Variants in FUBP3 observed in about 807,000 individuals in gnomAD.
FUBP3 encodes far upstream element binding protein 3.
FUBP3 carries 28 observed loss-of-function variants against 85.6 expected under a neutral mutation model. The observed-to-expected ratio is 0.33, with a 90% confidence interval of 0.24 to 0.45. The LOEUF (loss-of-function observed/expected upper bound fraction) is 0.45. Ranked by LOEUF, FUBP3 falls within the 20% of genes least tolerant of loss-of-function variation. FUBP3 has a pLI of 1.00. For synonymous variants in FUBP3, 271 were observed against 271.4 expected (o/e 1.00, Z 0.01); for missense variants, 583 against 755.1 (o/e 0.77, Z 2.67).
intron 2 of FUBP3, among the ~76,000 whole-genome samples, chr9:130,606,547 G>T (rs188451411): frequency 1.3e-5 from 2 of 152,012 alleles, no homozygotes; most frequent in African/African-American, 2.4e-5. Flanking sequence ...GTGGCCGGGC[G>T]CGGTGGCTCA....
At chr9:130,631,234 G>T (rs1830195767) in intron 13 of FUBP3, 2 of 1,281,192 alleles carry the variant, frequency 1.6e-6, no homozygotes, top group Non-Finnish European at 2.0e-6. Flanking sequence ...CACCTCAATG[G>T]GGACGTAGAA....
chr9:130,612,924 C>T lies in FUBP3; in HGVS notation c.275-32C>T, dbSNP rs150510429. On this transcript the variant is annotated intron_variant, in intron 4 of 18. Coordinates refer to ENST00000319725, the MANE Select transcript of FUBP3 (RefSeq NM_003934.2). The surrounding 1 kb of genome is among the most constrained non-coding windows in gnomAD (Gnocchi z 4.1). ...TGCGTGGTGAAATATGGAATAGGGG[C>T]GTGTATTCTGACCCTGTTCAATTTG... The T allele has an allele frequency of 2.4e-5, 34 of 1,398,272 alleles. No homozygotes were observed. Among genetic ancestry groups the T allele is most frequent in the Admixed American group, 2.4e-4 (14 of 59,348 alleles). The allele number at this position is 1,398,272 out of a possible 1,614,324, so 86.6% of individuals were successfully genotyped here.
chr9:130,632,324 G>A (rs374597753), intron 16 of FUBP3, 46 bp downstream of exon 16: 78 of 1,470,308 alleles, frequency 5.3e-5, no homozygotes, highest in Admixed American at 3.9e-4. Flanking sequence ...GAAAGGTTGC[G>A]GCCCACAGAA....
Position 130,617,845 on chromosome 9 carries a change from A to G in FUBP3, c.616A>G (p.Thr206Ala). Residue 206 changes from threonine to alanine, a missense_variant, in exon 8 of 19, where the codon ACG (threonine) becomes GCG (alanine). Thr to Ala is a moderately conservative substitution (Grantham distance 58). This residue lies in a region of FUBP3 where 404 missense variants were observed against 516.8 expected (regional missense o/e 0.78). Transcript: ENST00000319725. ...MVMIQDGPLP[T>A]GADKPLRITG... ...CATGATCCAGGATGGCCCATTGCCC[A>G]CGGGAGCAGACAAGCCTCTTCGTAT... The G allele has an allele frequency of 1.2e-6, 2 of 1,610,816 alleles. No homozygotes were observed. Among genetic ancestry groups the G allele is most frequent in the Non-Finnish European group, 1.7e-6 (2 of 1,177,034 alleles).
chr9:130,606,977 A>T (rs1045578253), intron 2 of FUBP3, among the ~76,000 whole-genome samples: 1 of 151,238 alleles, frequency 6.6e-6, no homozygotes, highest in Non-Finnish European at 1.5e-5. Context: ...TGTTTGTTTG[A>T]TTGATTGATT....
At chr9:130,587,740 TG>T (rs1212083294) in intron 1 of FUBP3, among the ~76,000 whole-genome samples, 2 of 152,172 alleles carry the variant, frequency 1.3e-5, no homozygotes, top group African/African-American at 4.8e-5. Context: ...AACTAAACCC[TG>T]GGGCTCCTAA....
intron 1 of FUBP3, among the ~76,000 whole-genome samples, chr9:130,592,903 C>T (rs1830697808): frequency 6.6e-6 from 1 of 152,134 alleles, no homozygotes; most frequent in African/African-American, 2.4e-5. Context: ...CTTGCAGTAG[C>T]TGCCCATCAG....
At position 130,632,262 on chromosome 9, in the gene FUBP3, C is replaced by T. The variant is rs370525212; in HGVS notation, c.1494C>T (p.Pro498=). The T allele has an allele frequency of 5.6e-6, 9 of 1,613,558 alleles. No homozygotes were observed. In the African/African-American group the frequency reaches 8.0e-5, roughly 14 times the overall value. Residue 498 remains proline (P), a synonymous_variant, in exon 16 of 19, where the codon CCC becomes CCT. Transcript: ENST00000319725. ...GCACCTACCAGGCGTGGCAGCAGCC[C>T]ACACAGCAGGTCCCAAGTAAGTGAC... The part of the protein sequence containing the change: ...WGSTYQAWQQ[P]TQQVPSQQSQ...
rs1419313221 is a variant in FUBP3 at position 130,590,990 on chromosome 9, T to C, written c.85-4493T>C. 2.8e-5 allele frequency among the ~76,000 whole-genome samples: 4 copies of C among 144,970 alleles called. No homozygotes were observed. In the East Asian group the frequency reaches 6.3e-4, roughly 23 times the overall value. Reference sequence around the variant, plus strand: ...GGTTTGAATACTGTTTCTGCCACTTTTTATTTTTGTTTTTGTTTGTTTTTG... The same window carrying C: ...GGTTTGAATACTGTTTCTGCCACTTCTTATTTTTGTTTTTGTTTGTTTTTG... On this transcript the variant is annotated intron_variant, in intron 1 of 18. Transcript: ENST00000319725.
chr9:130,632,199 C>T lies in FUBP3; in HGVS notation c.1434-3C>T, dbSNP rs765384224. The T allele has an allele frequency of 1.2e-6, 2 of 1,612,998 alleles. No individual in the cohort carries two copies. Among genetic ancestry groups the T allele is most frequent in the Non-Finnish European group, 1.7e-6 (2 of 1,178,962 alleles). ...GAACGAGTGACCCTCTTGTTATCCACAGTGGTCCTCCGGCCTTTCTGACCC... is the reference window on the plus strand; with the variant it reads ...GAACGAGTGACCCTCTTGTTATCCATAGTGGTCCTCCGGCCTTTCTGACCC... On this transcript the variant is annotated splice_region_variant and splice_polypyrimidine_tract_variant and intron_variant, in intron 15 of 18. Transcript: ENST00000319725.
At chr9:130,609,878 G>T in intron 2 of FUBP3, 76 bp from the exon 3 acceptor site, 1 of 1,143,938 alleles carries the variant, frequency 8.7e-7, no homozygotes, top group Admixed American at 1.8e-5. Context: ...ACCCGAAATG[G>T]TAAGAATGGT....
At chr9:130,595,213 C>G (rs1247604382) in intron 1 of FUBP3, among the ~76,000 whole-genome samples, 1 of 120,456 alleles carries the variant, frequency 8.3e-6, no homozygotes, top group Admixed American at 1.0e-4. Context: ...GCAACAAGAG[C>G]GAAACTCCGT....
chr9:130,589,677 A>ATGTGTATGTG (rs1564190773), intron 1 of FUBP3, among the ~76,000 whole-genome samples: 4 of 22,960 alleles, frequency 1.7e-4, no homozygotes, highest in Admixed American at 1.4e-3. Context: ...ATGTGTGTGT[A>ATGTGTATGTG]TATATATATA....
intron 1 of FUBP3, among the ~76,000 whole-genome samples, chr9:130,584,084 T>A (rs1008670692): frequency 3.3e-5 from 5 of 152,132 alleles, no homozygotes; most frequent in Non-Finnish European, 5.9e-5. Context: ...ATTACCAAAC[T>A]TTGGTTTCTT....
chr9:130,619,046 C>G (rs923427494), intron 8 of FUBP3, among the ~76,000 whole-genome samples: 3 of 152,276 alleles, frequency 2.0e-5, no homozygotes, highest in African/African-American at 4.8e-5. Context: ...TCGCCTTTCC[C>G]CACCCTGCTC....
chr9:130,635,023 G>A lies in FUBP3; in HGVS notation c.1582+285G>A, dbSNP rs879834226. On this transcript the variant is annotated intron_variant, in intron 17 of 18. Coordinates refer to ENST00000319725, the MANE Select transcript of FUBP3 (RefSeq NM_003934.2). The surrounding 1 kb of genome is among the most constrained non-coding windows in gnomAD (Gnocchi z 4.3). ...GGACTTGAGGTGGGCGTGGCACCTG[G>A]AAGTGTGGGCTCAGCTGGCGTCTGG... is the stretch of plus-strand genomic sequence containing the variant. Among the ~76,000 whole-genome samples the A allele has an allele frequency of 6.6e-6, 1 of 152,150 alleles. No homozygotes were observed. Among genetic ancestry groups the A allele is most frequent in the Non-Finnish European group, 1.5e-5 (1 of 68,032 alleles).
rs533225345 is a variant in FUBP3 at position 130,599,334 on chromosome 9, CATATATACACAT to C, written c.190+3754_190+3765del. 2.7e-3 allele frequency among the ~76,000 whole-genome samples: 382 copies of C among 139,200 alleles called. 2 individuals are homozygous for C. The highest frequency in any genetic ancestry group is 0.011 in the African/African-American group (369 of 34,496). The allele number at this position is 139,200 out of a possible 152,430, so 91.3% of individuals were successfully genotyped here. ...ATATATAGATACACATATATACACA[CATATATACACAT>C]ATATATAAGTATATGTGTGTGTGTG... On this transcript the variant is annotated intron_variant, in intron 2 of 18. Coordinates refer to ENST00000319725, the MANE Select transcript of FUBP3 (RefSeq NM_003934.2).
chr9:130,579,876 C>A (rs1012471044), intron 1 of FUBP3, 112 bp downstream of exon 1: 18 of 603,134 alleles, frequency 3.0e-5, no homozygotes, highest in Non-Finnish European at 4.1e-5. Context: ...GACGTCTCAG[C>A]CGGGCCGGGC....
intron 1 of FUBP3, chr9:130,581,023 T>C (rs1830111746): frequency 6.6e-6 from 1 of 152,280 alleles, no homozygotes; most frequent in East Asian, 1.9e-4. Flanking sequence ...TGCTCTCCTC[T>C]ACAGTACAGG....
Sources: gnomAD v4.1 joint callset for allele counts (sites outside exome capture counted in the v4.1 genomes callset) on GRCh38, gnomAD v4.1.1 for gene constraint, gnomAD v4.1.1 regional missense constraint, Gnocchi (gnomAD v3.1) non-coding constraint, MANE v1.5 for transcripts, NCBI Gene and HGNC (gene_info 2026-07-23, HGNC 2026-07-21) for gene names.